KCNQ5: variants seen among roughly 807,000 people sequenced by gnomAD.
KCNQ5 encodes potassium voltage-gated channel subfamily Q member 5.
Under a neutral mutation model 98.2 loss-of-function variants are expected in KCNQ5, and 30 were observed. The observed-to-expected ratio is 0.31, with a 90% CI of 0.23 to 0.41. The LOEUF is 0.41. Ranked by LOEUF, KCNQ5 falls within the 10% of genes least tolerant of loss-of-function variation. KCNQ5 has a pLI of 1.00. For synonymous variants in KCNQ5, 458 were observed against 449.4 expected, an observed-to-expected ratio of 1.02 and a Z score of -0.24; for missense variants, 835 against 1,182.5, an observed-to-expected ratio of 0.71 and a Z score of 4.31.
chr6:72,799,295 C>T (rs1774508266), intron 1 of KCNQ5, among the ~76,000 whole-genome samples: 1 of 152,250 alleles, frequency 6.6e-6, no homozygotes, highest in South Asian at 2.1e-4. Context: ...GAATGAGGCC[C>T]ATCCACCCTG....
intron 1 of KCNQ5, among the ~76,000 whole-genome samples, chr6:72,785,450 A>G (rs1231356989): frequency 6.6e-6 from 1 of 152,028 alleles, no homozygotes; most frequent in African/African-American, 2.4e-5. Flanking sequence ...GGAGTTTGAG[A>G]CCAGCCTGTC....
chr6:73,172,549 A>AT (rs1352062738), intron 11 of KCNQ5, among the ~76,000 whole-genome samples: 1 of 152,222 alleles, frequency 6.6e-6, no homozygotes, highest in Admixed American at 6.5e-5. Context: ...GTTTGCAGGT[A>AT]TAAGTCCTAA....
In KCNQ5 at chr6:72,816,562, C is replaced by T. The variant is rs1406043058; in HGVS notation, c.399-187346C>T. ...ACAGTGGGTGGTCAAGACCACAAAA[C>T]AAGTGGGAAAATATGGGATCAAGGA... On this transcript the variant is annotated intron_variant, in intron 1 of 13. Coordinates refer to ENST00000370398, the MANE Select transcript of KCNQ5 (RefSeq NM_019842.4). 2.6e-5 allele frequency among the ~76,000 whole-genome samples: 4 copies of T among 152,114 alleles called. No homozygotes were observed. In the South Asian group the frequency reaches 8.3e-4, roughly 32 times the overall value.
intron 11 of KCNQ5, among the ~76,000 whole-genome samples, chr6:73,179,829 G>A (rs76828620): frequency 0.048 from 7,303 of 152,156 alleles, 200 homozygotes; most frequent in East Asian, 0.11. Flanking sequence ...ATCAACCTGG[G>A]CTTCCCACCA....
chr6:73,101,528 AT>A (rs1774773593), intron 5 of KCNQ5, among the ~76,000 whole-genome samples: 2 of 152,204 alleles, frequency 1.3e-5, no homozygotes, highest in African/African-American at 4.8e-5. Flanking sequence ...TAAAAAAACT[AT>A]TAGAACTGAT....
chr6:72,943,854 G>A (rs1383629997), intron 1 of KCNQ5, among the ~76,000 whole-genome samples: 3 of 152,216 alleles, frequency 2.0e-5, no homozygotes, highest in African/African-American at 7.2e-5. Context: ...GAGCAAGAGA[G>A]AGAATGACAG....
rs1005397954 is a variant in KCNQ5, at chr6:72,959,098, T to C, written c.399-44810T>C. ...GAAAATATGAACTTTAAATCAGATA[T>C]TTTTGCAGGAGAAAATAAGTTTAGT... On this transcript the variant is annotated intron_variant, in intron 1 of 13. Transcript: ENST00000370398. Among the ~76,000 whole-genome samples the C allele has an allele frequency of 3.3e-5, 5 of 152,224 alleles. No individual in the cohort carries two copies. In the East Asian group the frequency reaches 9.6e-4, roughly 29 times the overall value.
chr6:73,146,469 G>A (rs1254712375), intron 10 of KCNQ5, among the ~76,000 whole-genome samples: 2 of 151,582 alleles, frequency 1.3e-5, no homozygotes, highest in African/African-American at 4.9e-5. Flanking sequence ...TACAAAAAAT[G>A]TAAAAATTAG....
At chr6:72,754,733 G>C (rs571024484) in intron 1 of KCNQ5, among the ~76,000 whole-genome samples, 1 of 152,106 alleles carries the variant, frequency 6.6e-6, no homozygotes, top group East Asian at 1.9e-4. Context: ...GACTATCTCG[G>C]TGAATGTTCA....
intron 2 of KCNQ5, among the ~76,000 whole-genome samples, chr6:73,010,458 C>G (rs1224927939): frequency 6.6e-6 from 1 of 151,878 alleles, no homozygotes; most frequent in East Asian, 1.9e-4. Flanking sequence ...AGGAAGAAGG[C>G]AAGGATGTCT....
chr6:73,143,832 T>C (rs1420621677), intron 10 of KCNQ5, among the ~76,000 whole-genome samples: 1 of 152,150 alleles, frequency 6.6e-6, no homozygotes, highest in Non-Finnish European at 1.5e-5. Flanking sequence ...CCTTCCTCAT[T>C]CTTCAGACTT....
At chr6:73,152,919 T>G (rs1255526433) in intron 10 of KCNQ5, among the ~76,000 whole-genome samples, 1 of 152,198 alleles carries the variant, frequency 6.6e-6, no homozygotes, top group Non-Finnish European at 1.5e-5. Flanking sequence ...ATTCAATCTG[T>G]GTATGATCAC....
intron 1 of KCNQ5, among the ~76,000 whole-genome samples, chr6:72,907,661 T>C (rs1464064925): frequency 6.6e-6 from 1 of 152,134 alleles, no homozygotes; most frequent in Non-Finnish European, 1.5e-5. Flanking sequence ...CCATCTTAAC[T>C]ATTATACCTT....
At chr6:72,818,024 T>C (rs1775579116) in intron 1 of KCNQ5, among the ~76,000 whole-genome samples, 3 of 152,088 alleles carry the variant, frequency 2.0e-5, no homozygotes, top group African/African-American at 4.8e-5. Flanking sequence ...CATAAATCAG[T>C]AGGATATGTA....
chr6:72,906,621 C>T (rs947281881), intron 1 of KCNQ5, among the ~76,000 whole-genome samples: 1 of 152,224 alleles, frequency 6.6e-6, no homozygotes, highest in African/African-American at 2.4e-5. Context: ...TAAATTGACT[C>T]AGCTTCAGGT....
At chr6:73,078,312 A>G (rs1314905364) in intron 5 of KCNQ5, among the ~76,000 whole-genome samples, 1 of 152,082 alleles carries the variant, frequency 6.6e-6, no homozygotes, top group Non-Finnish European at 1.5e-5. Flanking sequence ...TTGCAGCACA[A>G]AGAAATGAAA....
intron 1 of KCNQ5, among the ~76,000 whole-genome samples, chr6:72,842,502 T>A (rs1291592098): frequency 1.3e-5 from 2 of 152,316 alleles, no homozygotes; most frequent in East Asian, 3.9e-4. Flanking sequence ...GTAGTTTATC[T>A]AAGATCATAC....
chr6:72,944,807 C>T (rs1766461830), intron 1 of KCNQ5, among the ~76,000 whole-genome samples: 1 of 152,140 alleles, frequency 6.6e-6, no homozygotes, highest in Non-Finnish European at 1.5e-5. Context: ...GAACTGTATC[C>T]ATAAATAAAG....
chr6:72,851,504 A>G (rs2150142623), intron 1 of KCNQ5, among the ~76,000 whole-genome samples: 1 of 152,022 alleles, frequency 6.6e-6, no homozygotes, highest in African/African-American at 2.4e-5. Context: ...CTTTATTCCC[A>G]CTTGTTTTTT....
Sources: gnomAD v4.1 joint callset for allele counts (sites outside exome capture counted in the v4.1 genomes callset) on GRCh38, gnomAD v4.1.1 for gene constraint, MANE v1.5 for transcripts, NCBI Gene and HGNC (gene_info 2026-07-23, HGNC 2026-07-21) for gene names.